Variants in BCLAF3 observed in about 807,000 individuals in gnomAD.
BCLAF3 encodes transient octamer binding factor 1.
A neutral mutation model predicts 51.2 loss-of-function variants in BCLAF3; 24 were observed. The ratio of observed to expected loss-of-function variants is 0.47; its 90% confidence interval spans 0.34 to 0.66. The LOEUF (loss-of-function observed/expected upper bound fraction) is 0.66, where lower values mean the gene tolerates loss of function less well. BCLAF3 is among the 30% of genes least tolerant of loss of function. The probability of loss-of-function intolerance (pLI) is 0.01; values close to 1 mark genes in which losing one functional copy is unlikely to be tolerated. For missense variants in BCLAF3, 465 were observed against 525.1 expected (o/e 0.89, Z 1.12); for synonymous variants, 152 against 176.6 (o/e 0.86, Z 1.10).
At chrX:19,968,884 C>T (rs959302563) in intron 2 of BCLAF3, among the ~76,000 whole-genome samples, 18 of 111,568 alleles carry the variant, frequency 1.6e-4, no homozygotes, top group Non-Finnish European at 3.0e-4. Flanking sequence ...GAGGCCGAGG[C>T]GGGCGGATCA....
At chrX:19,990,474 G>A (rs963922284) in intron 1 of BCLAF3, among the ~76,000 whole-genome samples, 10 of 114,038 alleles carry the variant, frequency 8.8e-5, no homozygotes, top group Non-Finnish European at 1.5e-4. Flanking sequence ...GTACGGGGGG[G>A]TCCTCGGTTC....
intron 6 of BCLAF3, 86 bp from the exon 7 acceptor site, chrX:19,953,137 T>A: frequency 1.3e-6 from 1 of 774,779 alleles, no homozygotes. Context: ...GAATTTGAAA[T>A]AAAGCTAGTA....
intron 11 of BCLAF3, 96 bp from the exon 12 acceptor site, chrX:19,917,430 T>A: frequency 1.3e-6 from 1 of 763,640 alleles, no homozygotes; most frequent in Non-Finnish European, 2.0e-6. Flanking sequence ...GTATTTTCGT[T>A]TATACAGTGT....
intron 1 of BCLAF3, among the ~76,000 whole-genome samples, chrX:19,983,840 G>A (rs772149017): frequency 9.0e-5 from 10 of 110,580 alleles, no homozygotes; most frequent in South Asian, 3.8e-4. Context: ...AGGCTAAGGC[G>A]GGTGGATCAC....
chrX:19,935,735 T>A, intron 10 of BCLAF3, 74 bp downstream of exon 10: 1 of 832,912 alleles, frequency 1.2e-6, no homozygotes, highest in Non-Finnish European at 1.8e-6. Context: ...AGCTCTTGAT[T>A]TACTAACACT....
chrX:19,918,370 G>C (rs1329380907), intron 11 of BCLAF3, among the ~76,000 whole-genome samples: 1 of 109,787 alleles, frequency 9.1e-6, no homozygotes. Context: ...AACTTTAAAA[G>C]GAAATTCTAA....
intron 1 of BCLAF3, among the ~76,000 whole-genome samples, chrX:19,974,130 T>TCA: frequency 8.9e-6 from 1 of 111,965 alleles, no homozygotes; most frequent in South Asian, 3.7e-4. Flanking sequence ...TATAGGCAGC[T>TCA]TTCACATATC....
chrX:19,920,586 G>A (rs974114264), intron 11 of BCLAF3, among the ~76,000 whole-genome samples: 5 of 111,418 alleles, frequency 4.5e-5, no homozygotes, highest in African/African-American at 1.6e-4. Flanking sequence ...TTGGGAGGCC[G>A]AGGTGGGTGG....
chrX:19,922,715 T>C (rs1183989768), intron 11 of BCLAF3, among the ~76,000 whole-genome samples: 1 of 111,206 alleles, frequency 9.0e-6, no homozygotes, highest in Non-Finnish European at 1.9e-5. Flanking sequence ...CTGGCCAACA[T>C]GGTGAAACCC....
At chrX:19,950,709 C>T (rs781040392) in intron 8 of BCLAF3, 44 bp downstream of exon 8, 2 of 982,356 alleles carry the variant, frequency 2.0e-6, no homozygotes, top group South Asian at 4.4e-5. Flanking sequence ...TATGGTAAAA[C>T]CCAAAGCTCC....
intron 11 of BCLAF3, among the ~76,000 whole-genome samples, chrX:19,921,937 A>C (rs1361313172): frequency 9.0e-6 from 1 of 110,851 alleles, no homozygotes; most frequent in Non-Finnish European, 1.9e-5. Flanking sequence ...TGGGAGGTGG[A>C]GGTTGCAGTG....
chrX:19,923,020 T>C (rs2147685179), intron 11 of BCLAF3: 1 of 112,093 alleles, frequency 8.9e-6, no homozygotes, highest in South Asian at 3.6e-4. Flanking sequence ...GTATTAGTTA[T>C]CGAGTTCCTG....
At chrX:19,985,389 G>A (rs2072765134) in intron 1 of BCLAF3, among the ~76,000 whole-genome samples, 1 of 110,558 alleles carries the variant, frequency 9.0e-6, no homozygotes, top group Non-Finnish European at 1.9e-5. Context: ...GAATAGCCTG[G>A]GAAACATAAC....
rs771826181 is a variant in BCLAF3, at chrX:19,965,132, G to T, written c.1186C>A (p.Leu396Ile). The T allele has an allele frequency of 8.3e-7, 1 of 1,205,991 alleles. No individual in the cohort carries two copies. Among genetic ancestry groups the T allele is most frequent in the Admixed American group, 2.2e-5 (1 of 44,792 alleles). Reference protein sequence around the residue: ...SSNQLDKSQKLPDVKPSPINL... With the variant: ...SSNQLDKSQKIPDVKPSPINL... Reference sequence around the variant, plus strand: ...ATAGGCGAGGGTTTCACATCAGGAAGTTTTTGACTTTTATCAAGTTGGTTA... The same window carrying T: ...ATAGGCGAGGGTTTCACATCAGGAATTTTTTGACTTTTATCAAGTTGGTTA... The change falls in exon 4 of 12, where the codon CTT becomes ATT. Residue 396 changes from leucine to isoleucine, a missense_variant. Physicochemically the swap from Leu to Ile is conservative, Grantham distance 5. Coordinates refer to ENST00000379682, the MANE Select transcript of BCLAF3 (RefSeq NM_001367774.2).
chrX:19,946,064 G>A (rs1313879830), intron 8 of BCLAF3, among the ~76,000 whole-genome samples: 1 of 109,864 alleles, frequency 9.1e-6, no homozygotes, highest in East Asian at 2.9e-4. Context: ...CCCTTTCTTT[G>A]ACTCGGAAAG....
At chrX:19,961,203 A>G (rs991772806) in intron 4 of BCLAF3, among the ~76,000 whole-genome samples, 1 of 112,520 alleles carries the variant, frequency 8.9e-6, no homozygotes, top group Non-Finnish European at 1.9e-5. Context: ...CCTTAGTAGA[A>G]ATTTTCATAC....
At chrX:19,925,224 C>T (rs1301091681) in intron 11 of BCLAF3, among the ~76,000 whole-genome samples, 1 of 110,824 alleles carries the variant, frequency 9.0e-6, no homozygotes, top group Admixed American at 9.6e-5. Context: ...ACCGCCACCA[C>T]TCCCCAAAGC....
At chrX:19,931,404 T>C (rs889454053) in intron 10 of BCLAF3, among the ~76,000 whole-genome samples, 9 of 111,903 alleles carry the variant, frequency 8.0e-5, no homozygotes, top group African/African-American at 1.3e-4. Flanking sequence ...GGTTCATAGA[T>C]GGAGTCTATC....
chrX:19,946,676 G>C (rs892109601), intron 8 of BCLAF3, among the ~76,000 whole-genome samples: 1 of 111,334 alleles, frequency 9.0e-6, no homozygotes, highest in Non-Finnish European at 1.9e-5. Flanking sequence ...AAAGCCCTTC[G>C]TGATTGGCCT....
Sources: allele counts gnomAD v4.1 joint callset (sites outside exome capture counted in the v4.1 genomes callset), GRCh38; gene constraint gnomAD v4.1.1; transcripts MANE v1.5; gene names NCBI Gene and HGNC (gene_info 2026-07-23, HGNC 2026-07-21).